PCDHGB1: variants seen among roughly 807,000 people sequenced by gnomAD.
PCDHGB1 encodes protocadherin gamma subfamily B, 1.
In PCDHGB1, 34 loss-of-function variants were observed where a neutral mutation model predicts 56.6. The observed-to-expected ratio is 0.60, with a 90% CI of 0.46 to 0.80. The LOEUF (loss-of-function observed/expected upper bound fraction) is 0.80, where lower values mean the gene tolerates loss of function less well. Among genes scored for constraint, PCDHGB1 ranks in the 30% least tolerant of loss-of-function variants. The probability of loss-of-function intolerance (pLI) is 0.00; values close to 1 mark genes in which losing one functional copy is unlikely to be tolerated. For missense variants in PCDHGB1, 1,278 were observed against 1,204.6 expected (o/e 1.06, Z -0.90); for synonymous variants, 561 against 505.9 (o/e 1.11, Z -1.46).
intron 1 of PCDHGB1, among the ~76,000 whole-genome samples, chr5:141,456,052 C>T (rs2098841739): frequency 1.3e-5 from 2 of 151,970 alleles, no homozygotes; most frequent in South Asian, 4.1e-4. Flanking sequence ...CGCCCACCAC[C>T]ACGTCCGGCT....
In PCDHGB1 at chr5:141,350,461, T is replaced by G; in HGVS notation, c.201T>G (p.Ser67Arg). The change falls in exon 1 of 4, where the codon AGT (serine) becomes AGG (arginine). Residue 67 changes from serine (S) to arginine (R), a missense_variant. Transcript: ENST00000523390. Reference sequence around the variant, plus strand: ...TGCCAACTCGAAAACTGCGGGTTAGTGCAGAGGATTATTTCAACGTTAGTT... The same window carrying G: ...TGCCAACTCGAAAACTGCGGGTTAGGGCAGAGGATTATTTCAACGTTAGTT... ...RELPTRKLRV[S>R]AEDYFNVSLE... The G allele has an allele frequency of 6.2e-7, 1 of 1,613,880 alleles. No individual in the cohort carries two copies. Among genetic ancestry groups the G allele is most frequent in the African/African-American group, 1.3e-5 (1 of 75,010 alleles).
chr5:141,352,728 G>A (rs1759097039), intron 1 of PCDHGB1, 59 bp downstream of exon 1: 4 of 1,522,770 alleles, frequency 2.6e-6, no homozygotes, highest in East Asian at 2.5e-5. Context: ...GGTGGCTCAA[G>A]CCTGTAATCC....
chr5:141,358,949 C>T (rs1406811787), intron 1 of PCDHGB1, among the ~76,000 whole-genome samples: 1 of 152,136 alleles, frequency 6.6e-6, no homozygotes, highest in African/African-American at 2.4e-5. Flanking sequence ...GTTCTTTGTG[C>T]TTTCATTTAG....
At chr5:141,495,719 C>T (rs929450759) in intron 2 of PCDHGB1, among the ~76,000 whole-genome samples, 12 of 152,150 alleles carry the variant, frequency 7.9e-5, no homozygotes, top group African/African-American at 2.4e-5. Context: ...AGTAACTACA[C>T]GGGACCCTTA....
chr5:141,485,134 C>G lies in PCDHGB1; in HGVS notation c.2410-9673C>G, dbSNP rs967744072. 1.3e-6 allele frequency: 2 copies of G among 1,495,962 alleles called. No individual in the cohort carries two copies. Among genetic ancestry groups the G allele is most frequent in the South Asian group, 2.4e-5 (2 of 84,482 alleles). 92.7% of individuals were successfully genotyped at this position (1,495,962 alleles called of 1,614,324 possible). ...CTGTTTGGGGCGGGTCGGCTTCATC[C>G]GCGTCTCAGGAGCAAGTAGAGAATT... On this transcript the variant is annotated intron_variant, in intron 1 of 3. Transcript: ENST00000523390. The surrounding 1 kb of genome is among the most constrained non-coding windows in gnomAD (Gnocchi z 5.7).
In PCDHGB1 at chr5:141,419,882, T is replaced by A. The variant is rs145814583; in HGVS notation, c.2409+67213T>A. ...TAGCTTGCAAGAGGTACTGCCGGAT[T>A]TCAGCGACCATCCCACACCCTCTGA... On this transcript the variant is annotated intron_variant, in intron 1 of 3. Transcript: ENST00000523390. The A allele has an allele frequency of 4.9e-3, 7,980 of 1,614,092 alleles. 44 individuals carry two copies. Among genetic ancestry groups the A allele is most frequent in the Admixed American group, 9.4e-3 (567 of 60,032 alleles).
chr5:141,360,963 G>A (rs914860151), intron 1 of PCDHGB1: 8 of 1,613,778 alleles, frequency 5.0e-6, no homozygotes, highest in Non-Finnish European at 6.8e-6. Context: ...TAAACGCAGA[G>A]ATCACCTACT....
intron 1 of PCDHGB1, among the ~76,000 whole-genome samples, chr5:141,354,044 T>C (rs1441545131): frequency 6.6e-6 from 1 of 152,238 alleles, no homozygotes; most frequent in African/African-American, 2.4e-5. Flanking sequence ...CGATGGCACA[T>C]GCAATGATAA....
chr5:141,381,416 C>T (rs995030864), intron 1 of PCDHGB1, among the ~76,000 whole-genome samples: 2 of 152,236 alleles, frequency 1.3e-5, no homozygotes, highest in African/African-American at 2.4e-5. Context: ...AGTGGAGAGA[C>T]GAGTACCTCT....
intron 1 of PCDHGB1, chr5:141,364,348 G>A: frequency 6.5e-7 from 1 of 1,544,604 alleles, no homozygotes; most frequent in Non-Finnish European, 8.7e-7. Context: ...GTCCACCTAG[G>A]GGCTGGGGCT....
At position 141,487,444 on chromosome 5, in the gene PCDHGB1, T is replaced by G; in HGVS notation, c.2410-7363T>G. 1 of 1,614,194 alleles carries G rather than the reference T, an allele frequency of 6.2e-7. No individual in the cohort carries two copies. The highest frequency in any genetic ancestry group is 8.5e-7 in the Non-Finnish European group (1 of 1,180,040). ...TCCTCCGAATCCAGCTAGGGTCAGA[T>G]GACCCTATCAAGTTTGTTGATGTGG... On this transcript the variant is annotated intron_variant, in intron 1 of 3. Transcript: ENST00000523390. This position sits in a 1 kb window ranked among gnomAD's most constrained non-coding sequence, Gnocchi z 5.0.
At chr5:141,375,315 A>T (rs372335399) in intron 1 of PCDHGB1, 6 of 1,613,674 alleles carry the variant, frequency 3.7e-6, no homozygotes, top group Non-Finnish European at 5.1e-6. Flanking sequence ...GCAGCTCTAG[A>T]CCGGGAAGAG....
intron 1 of PCDHGB1, chr5:141,366,021 A>G (rs1165223117): frequency 1.9e-6 from 3 of 1,614,092 alleles, no homozygotes; most frequent in Non-Finnish European, 1.7e-6. Flanking sequence ...GAGATCCTGT[A>G]CCCCGCCCTC....
intron 1 of PCDHGB1, chr5:141,357,767 C>A: frequency 2.1e-6 from 2 of 947,568 alleles, no homozygotes; most frequent in Non-Finnish European, 1.5e-6. Context: ...GATGACCTTC[C>A]AATAATGATC....
chr5:141,414,457 G>A (rs1319960665), intron 1 of PCDHGB1: 7 of 1,613,872 alleles, frequency 4.3e-6, no homozygotes, highest in Non-Finnish European at 5.9e-6. Flanking sequence ...CACAGTGACA[G>A]CCACAGATGG....
intron 1 of PCDHGB1, chr5:141,374,104 T>C (rs200348921): frequency 1.6e-4 from 247 of 1,570,492 alleles, no homozygotes; most frequent in African/African-American, 4.1e-5. Context: ...CGCAGAGGCA[T>C]CCGCAGCGCA....
In PCDHGB1 at chr5:141,385,085, A is replaced by G. The variant is rs753751562; in HGVS notation, c.2409+32416A>G. The G allele has an allele frequency of 1.1e-5, 18 of 1,614,014 alleles. No homozygotes were observed. In the Admixed American group the frequency reaches 3.0e-4, roughly 27 times the overall value. On this transcript the variant is annotated intron_variant, in intron 1 of 3. Transcript: ENST00000523390. ...AAGTCACGCCTGCTGCAGGCTTCAGAAGGTGGCTTGGCGAACGTGCCCACC... is the reference window on the plus strand; with the variant it reads ...AAGTCACGCCTGCTGCAGGCTTCAGGAGGTGGCTTGGCGAACGTGCCCACC...
rs144804989 is a variant in PCDHGB1 at position 141,489,791 on chromosome 5, C to T, written c.2410-5016C>T. 1.9e-6 allele frequency: 3 copies of T among 1,614,056 alleles called. No individual in the cohort carries two copies. Among genetic ancestry groups the T allele is most frequent in the Admixed American group, 1.7e-5 (1 of 60,010 alleles). Reference sequence around the variant, plus strand: ...AGCCACTTCTCTCTGAATGTGAAGACCCTAAAAGATGGGAAGCCATTCCCA... The same window carrying T: ...AGCCACTTCTCTCTGAATGTGAAGATCCTAAAAGATGGGAAGCCATTCCCA... On this transcript the variant is annotated intron_variant, in intron 1 of 3. Transcript: ENST00000523390. This position sits in a 1 kb window ranked among gnomAD's most constrained non-coding sequence, Gnocchi z 4.5.
rs1353509218 is a variant in PCDHGB1, at chr5:141,512,908, TTTATACTC to T, written c.*1737_*1744del. ...CCCTCTTCCTGTGTCTCACGCAAGTTTTATACTCTAATATTTATATGGCTTTTTTTCTT... is the reference window on the plus strand; with the variant it reads ...CCCTCTTCCTGTGTCTCACGCAAGTTTAATATTTATATGGCTTTTTTTCTT... On this transcript the variant is annotated 3_prime_UTR_variant, in exon 4 of 4. Transcript: ENST00000523390. 6.6e-6 allele frequency: 1 copy of T among 152,268 alleles called. No individual in the cohort carries two copies. Among genetic ancestry groups the T allele is most frequent in the Non-Finnish European group, 1.5e-5 (1 of 68,054 alleles). 9.4% of individuals were successfully genotyped at this position (152,268 alleles called of 1,614,324 possible).
Sources: gnomAD v4.1 joint callset for allele counts (sites outside exome capture counted in the v4.1 genomes callset) on GRCh38, gnomAD v4.1.1 for gene constraint, Gnocchi (gnomAD v3.1) non-coding constraint, MANE v1.5 for transcripts, NCBI Gene and HGNC (gene_info 2026-07-23, HGNC 2026-07-21) for gene names.